Variants in CCDC171 observed in about 807,000 individuals in gnomAD.
CCDC171 encodes the protein coiled-coil domain-containing protein 171.
CCDC171 carries 177 observed loss-of-function variants against 168.2 expected under a neutral mutation model. The observed-to-expected ratio is 1.05, with a 90% confidence interval of 0.93 to 1.19. CCDC171 has a LOEUF of 1.19. Ranked by LOEUF, CCDC171 falls within the 50% of genes most tolerant of loss-of-function variation. The probability of loss-of-function intolerance (pLI) is 0.00; values close to 1 mark genes in which losing one functional copy is unlikely to be tolerated. For missense variants in CCDC171, 1,991 were observed against 1,539.0 expected (o/e 1.29, Z -4.91); for synonymous variants, 687 against 540.8 (o/e 1.27, Z -3.75).
At chr9:15,670,185 C>T (rs913788574) in intron 9 of CCDC171, among the ~76,000 whole-genome samples, 1 of 152,038 alleles carries the variant, frequency 6.6e-6, no homozygotes, top group African/African-American at 2.4e-5. Context: ...GCTTTTTTGT[C>T]CGCCAGAATG....
Position 16,014,181 on chromosome 9 carries a change from A to G in CCDC171, n.369-6408A>G, listed in dbSNP as rs150122293. ...TGCAATATTCTAAATCTTTTGTTTC[A>G]TTTCAGCAACATTCACAGCATCTTC... On this transcript the variant is annotated intron_variant and non_coding_transcript_variant, in intron 3 of 9. Coordinates refer to the CCDC171 transcript ENST00000486641. 2.3e-4 allele frequency among the ~76,000 whole-genome samples: 35 copies of G among 152,310 alleles called. No individual in the cohort carries two copies. In the East Asian group the frequency reaches 6.2e-3, roughly 27 times the overall value.
chr9:15,754,691 G>A (rs2055987406), intron 18 of CCDC171, among the ~76,000 whole-genome samples: 1 of 152,134 alleles, frequency 6.6e-6, no homozygotes, highest in African/African-American at 2.4e-5. Context: ...CCTTGGGCAA[G>A]TTATTTAAAT....
chr9:15,926,789 C>G (rs1003928665), intron 25 of CCDC171, among the ~76,000 whole-genome samples: 2 of 151,624 alleles, frequency 1.3e-5, no homozygotes, highest in Non-Finnish European at 3.0e-5. Context: ...AAAAGATTTT[C>G]TGATAGTTAT....
At chr9:15,642,343 G>GTGTGTA (rs1369419679) in intron 7 of CCDC171, among the ~76,000 whole-genome samples, 83 of 107,466 alleles carry the variant, frequency 7.7e-4, no homozygotes, top group African/African-American at 2.4e-3. Flanking sequence ...GTGTGTGTGT[G>GTGTGTA]TATATATATA....
chr9:15,653,897 G>C (rs1231275225), intron 7 of CCDC171, among the ~76,000 whole-genome samples: 2 of 152,138 alleles, frequency 1.3e-5, no homozygotes, highest in African/African-American at 4.8e-5. Context: ...GGGCCACTGT[G>C]CCTGGCCCAA....
At chr9:16,090,931 G>C in the CCDC171 span, among the ~76,000 whole-genome samples, 54 of 152,300 alleles carry the variant, frequency 3.5e-4, 1 homozygote, top group East Asian at 0.01. Flanking sequence ...CATGTGTCCT[G>C]GTTCTTAACT....
At chr9:15,809,566 C>T (rs1217107443) in intron 21 of CCDC171, among the ~76,000 whole-genome samples, 1 of 152,110 alleles carries the variant, frequency 6.6e-6, no homozygotes. Flanking sequence ...AGTGGAGCTG[C>T]AGACTTTCGC....
At chr9:15,863,690 A>T (rs1308891151) in intron 23 of CCDC171, among the ~76,000 whole-genome samples, 1 of 152,046 alleles carries the variant, frequency 6.6e-6, no homozygotes, top group Non-Finnish European at 1.5e-5. Context: ...AATTGATTTA[A>T]AGTACTTATG....
At chr9:15,556,466 T>A (rs183338430) in intron 1 of CCDC171, among the ~76,000 whole-genome samples, 8,317 of 152,268 alleles carry the variant, frequency 0.055, 285 homozygotes, top group African/African-American at 0.086. Flanking sequence ...ATTGTGGTTT[T>A]GATTTGCATT....
intron 3 of CCDC171, among the ~76,000 whole-genome samples, chr9:16,010,736 G>T (rs918707278): frequency 3.6e-5 from 4 of 112,414 alleles, no homozygotes; most frequent in Non-Finnish European, 5.5e-5. Flanking sequence ...GTATTCCAAG[G>T]TCAACAGTTT....
chr9:15,962,754 T>C (rs80196619), intron 25 of CCDC171, among the ~76,000 whole-genome samples: 1 of 152,040 alleles, frequency 6.6e-6, no homozygotes, highest in Non-Finnish European at 1.5e-5. Flanking sequence ...ACCTTTTTTT[T>C]CTACCCAAAC....
chr9:15,905,961 A>G (rs966003238), intron 24 of CCDC171, among the ~76,000 whole-genome samples: 1 of 152,212 alleles, frequency 6.6e-6, no homozygotes, highest in East Asian at 1.9e-4. Context: ...CACCCTCCCA[A>G]GACTAAACCA....
chr9:15,664,218 A>T (rs985930185), intron 8 of CCDC171, among the ~76,000 whole-genome samples: 3 of 152,110 alleles, frequency 2.0e-5, no homozygotes, highest in Non-Finnish European at 4.4e-5. Flanking sequence ...ACTATGCAAT[A>T]TATCCAGGTA....
Position 15,724,927 on chromosome 9 carries a change from C to A in CCDC171, c.1643C>A (p.Ser548Tyr). The A allele has an allele frequency of 1.2e-6, 2 of 1,613,944 alleles. No homozygotes were observed. The highest frequency in any genetic ancestry group is 1.7e-6 in the Non-Finnish European group (2 of 1,179,886). Residue 548 changes from serine to tyrosine, a missense_variant, in exon 14 of 26, where the codon TCT becomes TAT. Coordinates refer to ENST00000380701, the MANE Select transcript of CCDC171 (RefSeq NM_173550.4). ...AAAGAAAAGGCTCAGGCAGCCCAGT[C>A]TGAAAGTGAACTGCAGAAGCTTTCC... The part of the protein sequence containing the change: ...WEKEKAQAAQ[S>Y]ESELQKLSQA...
At chr9:15,675,059 A>G (rs953709295) in intron 9 of CCDC171, among the ~76,000 whole-genome samples, 1 of 151,932 alleles carries the variant, frequency 6.6e-6, no homozygotes, top group Non-Finnish European at 1.5e-5. Flanking sequence ...TTGGGCGAAT[A>G]TATATTTAGG....
chr9:15,571,019 C>T (rs950829151), intron 2 of CCDC171, among the ~76,000 whole-genome samples: 1 of 152,132 alleles, frequency 6.6e-6, no homozygotes, highest in Non-Finnish European at 1.5e-5. Context: ...CTCCTGTTTT[C>T]TGCTCTACTT....
chr9:15,681,152 CGTT>C (rs1336789066), intron 10 of CCDC171, among the ~76,000 whole-genome samples: 1 of 152,064 alleles, frequency 6.6e-6, no homozygotes, highest in African/African-American at 2.4e-5. Flanking sequence ...CGTCTGCACT[CGTT>C]GTATTCATTG....
rs972964617 is a variant in CCDC171 at position 15,603,942 on chromosome 9, A to G, written c.675+9770A>G. On this transcript the variant is annotated intron_variant, in intron 6 of 25. Transcript: ENST00000380701. ...GTTTCTTGGCTTTTTAATAATTGCC[A>G]TTCTGACTGGCCTGAGATGGTATCT... 2.0e-5 allele frequency among the ~76,000 whole-genome samples: 3 copies of G among 152,186 alleles called. No individual in the cohort carries two copies. The East Asian group carries it at 5.8e-4, about 29-fold the overall frequency.
chr9:15,839,166 G>T (rs1205033262), intron 21 of CCDC171, among the ~76,000 whole-genome samples: 3 of 152,104 alleles, frequency 2.0e-5, no homozygotes, highest in Non-Finnish European at 4.4e-5. Flanking sequence ...TCACACAAGG[G>T]ATCTTGAGTT....
Sources: allele counts gnomAD v4.1 joint callset (sites outside exome capture counted in the v4.1 genomes callset), GRCh38; gene constraint gnomAD v4.1.1; transcripts MANE v1.5; gene names NCBI Gene and HGNC (gene_info 2026-07-23, HGNC 2026-07-21).